ARB2A: variants seen among roughly 807,000 people sequenced by gnomAD.
ARB2A encodes cotranscriptional regulator ARB2A.
chr5:93,944,549 A>C, the ARB2A span, among the ~76,000 whole-genome samples: 1 of 150,870 alleles, frequency 6.6e-6, no homozygotes, highest in African/African-American at 2.4e-5. Flanking sequence ...ATGCCACTCA[A>C]CTCCAGCCTG....
At chr5:93,891,317 C>T in the ARB2A span, among the ~76,000 whole-genome samples, 1 of 151,790 alleles carries the variant, frequency 6.6e-6, no homozygotes, top group South Asian at 2.1e-4. Flanking sequence ...TATAATTGCC[C>T]CCTCCTCCCT....
chr5:93,766,346 AAAAC>A, the ARB2A span, among the ~76,000 whole-genome samples: 2 of 152,300 alleles, frequency 1.3e-5, no homozygotes, highest in East Asian at 1.9e-4. Flanking sequence ...TTACAAGAAA[AAAAC>A]AAACAACCCC....
the ARB2A span, among the ~76,000 whole-genome samples, chr5:93,655,799 C>T: frequency 6.6e-6 from 1 of 152,280 alleles, no homozygotes; most frequent in South Asian, 2.1e-4. Flanking sequence ...ATGGAAGGGC[C>T]ACATATGACA....
At chr5:93,724,476 A>G in the ARB2A span, among the ~76,000 whole-genome samples, 1 of 152,056 alleles carries the variant, frequency 6.6e-6, no homozygotes, top group Non-Finnish European at 1.5e-5. Context: ...AACATTGCCA[A>G]TTAAGCTATG....
chr5:93,864,606 G>T, the ARB2A span, among the ~76,000 whole-genome samples: 1 of 151,916 alleles, frequency 6.6e-6, no homozygotes, highest in Non-Finnish European at 1.5e-5. Context: ...AATTCTTATA[G>T]AAACAATTTG....
the ARB2A span, among the ~76,000 whole-genome samples, chr5:93,962,484 G>C: frequency 4.6e-5 from 7 of 151,878 alleles, no homozygotes; most frequent in Non-Finnish European, 7.4e-5. Flanking sequence ...TTTAAAAAAT[G>C]GTTCTTTTTC....
chr5:93,956,326 C>T, the ARB2A span, among the ~76,000 whole-genome samples: 15 of 152,268 alleles, frequency 9.9e-5, no homozygotes, highest in African/African-American at 3.6e-4. Context: ...ACTTAAGTGG[C>T]TTCACATATT....
At chr5:93,873,756 A>G in the ARB2A span, among the ~76,000 whole-genome samples, 1 of 152,214 alleles carries the variant, frequency 6.6e-6, no homozygotes, top group Non-Finnish European at 1.5e-5. Flanking sequence ...TCCTGGCCTC[A>G]TATGGAGGCA....
At chr5:93,892,488 T>A in the ARB2A span, among the ~76,000 whole-genome samples, 24 of 152,338 alleles carry the variant, frequency 1.6e-4, no homozygotes, top group East Asian at 9.6e-4. Context: ...TTTTATAAGA[T>A]TCTTCTTAGC....
At chr5:93,726,086 A>G in the ARB2A span, among the ~76,000 whole-genome samples, 1 of 152,092 alleles carries the variant, frequency 6.6e-6, no homozygotes, top group Admixed American at 6.6e-5. Flanking sequence ...CAGTCAAGTG[A>G]TGGATCAGTT....
At chr5:94,064,597 TAGCC>T in the ARB2A span, among the ~76,000 whole-genome samples, 2 of 152,162 alleles carry the variant, frequency 1.3e-5, no homozygotes, top group Admixed American at 1.3e-4. Flanking sequence ...ACAAGGACAG[TAGCC>T]ACTCACTTAG....
chr5:93,708,538 A>C, the ARB2A span, among the ~76,000 whole-genome samples: 3 of 152,288 alleles, frequency 2.0e-5, no homozygotes, highest in African/African-American at 7.2e-5. Flanking sequence ...AGCTCAACCT[A>C]GATCCTTCGC....
At chr5:93,680,941 T>C in the ARB2A span, among the ~76,000 whole-genome samples, 4 of 152,186 alleles carry the variant, frequency 2.6e-5, no homozygotes, top group Non-Finnish European at 5.9e-5. Flanking sequence ...AGACCAAAAT[T>C]TCCAGTAATT....
the ARB2A span, among the ~76,000 whole-genome samples, chr5:93,906,146 G>A: frequency 2.0e-5 from 3 of 151,430 alleles, no homozygotes; most frequent in African/African-American, 7.3e-5. Context: ...TCTCTTAAAA[G>A]ACAGATATAT....
chr5:93,799,447 T>C, the ARB2A span, among the ~76,000 whole-genome samples: 1 of 152,128 alleles, frequency 6.6e-6, no homozygotes, highest in Non-Finnish European at 1.5e-5. Context: ...AGCCTTCACA[T>C]TAACACTGCT....
At chr5:93,623,601 G>A in the ARB2A span, among the ~76,000 whole-genome samples, 1 of 152,132 alleles carries the variant, frequency 6.6e-6, no homozygotes, top group Non-Finnish European at 1.5e-5. Context: ...ATGACTCTCT[G>A]CTTGATTAGT....
chr5:93,685,407 T>C, the ARB2A span, among the ~76,000 whole-genome samples: 1 of 152,184 alleles, frequency 6.6e-6, no homozygotes, highest in African/African-American at 2.4e-5. Context: ...TAATCTTAAA[T>C]TCCTCCATTT....
chr5:94,006,438 T>C, the ARB2A span, among the ~76,000 whole-genome samples: 13 of 152,292 alleles, frequency 8.5e-5, no homozygotes, highest in Middle Eastern at 3.4e-3. Context: ...CTTGTGATGA[T>C]GGAGATGTTC....
the ARB2A span, among the ~76,000 whole-genome samples, chr5:93,789,470 T>C: frequency 1.3e-5 from 2 of 152,256 alleles, no homozygotes; most frequent in Non-Finnish European, 2.9e-5. Context: ...TTCAAAGGCT[T>C]GAAAAGTATA....
Sources: gnomAD v4.1 joint callset for allele counts (sites outside exome capture counted in the v4.1 genomes callset) on GRCh38, gnomAD v4.1.1 for gene constraint, MANE v1.5 for transcripts, NCBI Gene and HGNC (gene_info 2026-07-23, HGNC 2026-07-21) for gene names.